The following RXFP2 variants were observed in gnomAD, a reference collection of about 807,000 sequenced individuals.
RXFP2 encodes relaxin receptor 2.
In RXFP2, 68 loss-of-function variants were observed where a neutral mutation model predicts 88.6. That is an observed-to-expected ratio of 0.77 (90% CI 0.63 to 0.94). The LOEUF (loss-of-function observed/expected upper bound fraction) is 0.94. Ranked by LOEUF, RXFP2 falls within the 40% of genes least tolerant of loss-of-function variation. The pLI is 0.00. For synonymous variants in RXFP2, 329 were observed against 306.8 expected, an observed-to-expected ratio of 1.07 and a Z score of -0.76; for missense variants, 791 against 893.9, an observed-to-expected ratio of 0.88 and a Z score of 1.47.
intron 17 of RXFP2, among the ~76,000 whole-genome samples, chr13:31,801,438 A>T (rs766359120): frequency 3.9e-5 from 6 of 152,074 alleles, no homozygotes; most frequent in Non-Finnish European, 7.4e-5. Flanking sequence ...CACTCAACCT[A>T]GCTAAGTGTC....
intron 11 of RXFP2, among the ~76,000 whole-genome samples, chr13:31,786,151 G>A (rs921536833): frequency 2.6e-5 from 4 of 152,164 alleles, no homozygotes; most frequent in African/African-American, 9.7e-5. Flanking sequence ...TTGAGAGAGG[G>A]TAAGAGGAAA....
At chr13:31,769,647 T>A (rs1362716998) in intron 5 of RXFP2, among the ~76,000 whole-genome samples, 1 of 152,332 alleles carries the variant, frequency 6.6e-6, no homozygotes, top group Middle Eastern at 3.4e-3. Context: ...ATGTGCCCTA[T>A]GATTATATTG....
intron 4 of RXFP2, 123 bp downstream of exon 4, chr13:31,765,265 A>G (rs995596689): frequency 4.4e-6 from 3 of 676,790 alleles, no homozygotes; most frequent in African/African-American, 3.6e-5. Context: ...ACTACCAGTC[A>G]TCAGAGAATT....
intron 17 of RXFP2, among the ~76,000 whole-genome samples, chr13:31,800,434 T>G (rs1262135839): frequency 6.6e-6 from 1 of 152,118 alleles, no homozygotes; most frequent in East Asian, 1.9e-4. Context: ...TAGCCGGGCA[T>G]GGTGGCAGGT....
chr13:31,758,271 T>C lies in RXFP2; in HGVS notation c.108T>C (p.Thr36=). 1 of 1,614,098 alleles carries C rather than the reference T, an allele frequency of 6.2e-7. No homozygotes were observed. Among genetic ancestry groups the C allele is most frequent in the Non-Finnish European group, 8.5e-7 (1 of 1,179,960 alleles). ...TCTTTCATGTAGATTTTGCACTGAC[T>C]CAAGGTAGCATGATCACTCCTTCAT... ...VLINVKDFAL[T]QGSMITPSCQ... is the part of the protein sequence containing the mutation. The change falls in exon 2 of 18, where the codon ACT becomes ACC. Residue 36 remains threonine (T), a synonymous_variant. Transcript: ENST00000298386.
intron 13 of RXFP2, 56 bp downstream of exon 13, chr13:31,786,693 C>G (rs748754008): frequency 9.0e-7 from 1 of 1,115,906 alleles, no homozygotes; most frequent in Non-Finnish European, 1.4e-6. Flanking sequence ...TACTTAGAGA[C>G]ACATTTATTT....
intron 1 of RXFP2, among the ~76,000 whole-genome samples, chr13:31,756,844 C>A (rs1449542074): frequency 6.6e-6 from 1 of 152,128 alleles, no homozygotes; most frequent in Admixed American, 6.5e-5. Flanking sequence ...TGGTCTCAAA[C>A]TGCTGGCCTC....
At chr13:31,744,335 A>G (rs1871323869) in intron 1 of RXFP2, among the ~76,000 whole-genome samples, 3 of 152,196 alleles carry the variant, frequency 2.0e-5, no homozygotes, top group African/African-American at 7.2e-5. Context: ...TTCTTTATGC[A>G]CTTATTGTAA....
At chr13:31,765,826 T>C in intron 4 of RXFP2, 130 bp from the exon 5 acceptor site, 1 of 630,296 alleles carries the variant, frequency 1.6e-6, no homozygotes, top group Non-Finnish European at 2.9e-6. Context: ...TTTTTAGTTA[T>C]TGTCATGTTC....
At chr13:31,767,288 C>A (rs535429226) in intron 5 of RXFP2, among the ~76,000 whole-genome samples, 1 of 152,240 alleles carries the variant, frequency 6.6e-6, no homozygotes, top group African/African-American at 2.4e-5. Flanking sequence ...CCTCTGTAAA[C>A]CCCGGCTGCT....
intron 3 of RXFP2, among the ~76,000 whole-genome samples, chr13:31,763,857 G>A (rs536417990): frequency 7.9e-4 from 120 of 152,190 alleles, no homozygotes; most frequent in African/African-American, 2.9e-3. Flanking sequence ...ATTGACGTAA[G>A]CATATGAAAG....
intron 5 of RXFP2, among the ~76,000 whole-genome samples, chr13:31,766,839 T>G (rs1379649794): frequency 6.6e-6 from 1 of 152,184 alleles, no homozygotes; most frequent in Non-Finnish European, 1.5e-5. Context: ...AAATGGAGAA[T>G]ATTCAGGTTC....
intron 17 of RXFP2, among the ~76,000 whole-genome samples, chr13:31,798,066 C>T (rs1874139229): frequency 6.6e-6 from 1 of 152,182 alleles, no homozygotes; most frequent in South Asian, 2.1e-4. Context: ...AGTTTGGAAT[C>T]ATCGTCAACC....
intron 8 of RXFP2, 110 bp downstream of exon 8, chr13:31,777,557 A>G (rs1357243154): frequency 2.7e-6 from 2 of 754,344 alleles, no homozygotes; most frequent in Middle Eastern, 3.6e-4. Context: ...AATTTTTATT[A>G]GTCAAAACTT....
chr13:31,758,520 G>T, intron 2 of RXFP2, 116 bp downstream of exon 2: 51 of 1,226,908 alleles, frequency 4.2e-5, no homozygotes, highest in East Asian at 4.8e-5. Flanking sequence ...GTTCTGTAGG[G>T]ATTTCCTTTG....
At chr13:31,755,477 G>A (rs1284847068) in intron 1 of RXFP2, among the ~76,000 whole-genome samples, 1 of 151,838 alleles carries the variant, frequency 6.6e-6, no homozygotes, top group African/African-American at 2.4e-5. Flanking sequence ...TGGGAGCGTG[G>A]GTACGGCTGG....
intron 9 of RXFP2, among the ~76,000 whole-genome samples, chr13:31,778,980 A>G (rs1207036088): frequency 6.6e-6 from 1 of 152,184 alleles, no homozygotes; most frequent in African/African-American, 2.4e-5. Context: ...CCAGGAGGTC[A>G]TTCCTGACAC....
At chr13:31,773,175 G>A (rs924426120) in intron 5 of RXFP2, among the ~76,000 whole-genome samples, 43 of 152,332 alleles carry the variant, frequency 2.8e-4, no homozygotes, top group Middle Eastern at 3.4e-3. Context: ...AAAGCAGAAT[G>A]TATGCTGCTC....
intron 15 of RXFP2, 111 bp downstream of exon 15, chr13:31,792,146 C>T (rs1873824513): frequency 1.3e-6 from 1 of 791,224 alleles, no homozygotes; most frequent in Non-Finnish European, 2.0e-6. Context: ...GTGAATTATA[C>T]ATCCTGGGCA....
Sources: gnomAD v4.1 joint callset for allele counts (sites outside exome capture counted in the v4.1 genomes callset) on GRCh38, gnomAD v4.1.1 for gene constraint, MANE v1.5 for transcripts, NCBI Gene and HGNC (gene_info 2026-07-23, HGNC 2026-07-21) for gene names.